H3-4: variants seen among roughly 807,000 people sequenced by gnomAD.
H3-4 encodes histone H3.1t.
H3-4 carries 6 observed loss-of-function variants against 3.8 expected under a neutral mutation model. The observed-to-expected ratio is 1.59, with a 90% confidence interval of 0.87 to 3.13. The LOEUF is 3.13. Ranked by LOEUF, H3-4 falls within the 30% of genes most tolerant of loss-of-function variation. The pLI is 0.00. For synonymous variants in H3-4, 138 were observed against 86.5 expected (o/e 1.60, Z -3.30); for missense variants, 298 against 202.4 (o/e 1.47, Z -2.87).
rs773567566 is a variant in H3-4 at position 228,425,318 on chromosome 1, C to T, written c.8G>A (p.Arg3Gln). Residue 3 changes from arginine to glutamine, a missense_variant, in exon 1 of 1, where the codon CGA (arginine) becomes CAA (glutamine). By Grantham distance (43) the Arg-to-Gln change is conservative (BLOSUM62 1). Transcript: ENST00000366696. ...TGACTTGCGCGCAGTCTGCTTGGTT[C>T]GGGCCATGAATCCGAAACTGTTGGC... MA[R>Q]TKQTARKSTG... 1 of 1,613,856 alleles carries T rather than the reference C, an allele frequency of 6.2e-7. No homozygotes were observed. The highest frequency in any genetic ancestry group is 8.5e-7 in the Non-Finnish European group (1 of 1,179,810).
In H3-4 at chr1:228,424,860, A is replaced by C; in HGVS notation, c.*55T>G. ...CTCTTCGACCAGGTGGGTGGCTCTT[A>C]AAAGAGCCTTTGGGGTGAACGTTGC... is the stretch of plus-strand genomic sequence containing the variant. On this transcript the variant is annotated 3_prime_UTR_variant, in exon 1 of 1. Coordinates refer to ENST00000366696, the MANE Select transcript of H3-4 (RefSeq NM_003493.3). The C allele has an allele frequency of 5.6e-6, 9 of 1,606,696 alleles. No individual in the cohort carries two copies. The highest frequency in any genetic ancestry group is 7.7e-6 in the Non-Finnish European group (9 of 1,173,340).
chr1:228,425,010 CAA>C lies in H3-4; in HGVS notation c.314_315del (p.Phe105Ter). 6.2e-7 allele frequency: 1 copy of C among 1,614,254 alleles called. No homozygotes were observed. Among genetic ancestry groups the C allele is most frequent in the East Asian group, 2.2e-5 (1 of 44,882 alleles). The part of the protein sequence containing the change: ...EACESYLVGL[F>X]EDTNLCVIHA... Reference sequence around the variant, plus strand: ...TGGATGACACACAGGTTGGTGTCCTCAAACAGCCCCACCAGGTAAGACTCGCA... The same window carrying C: ...TGGATGACACACAGGTTGGTGTCCTCACAGCCCCACCAGGTAAGACTCGCA... On this transcript the variant is annotated frameshift_variant, in exon 1 of 1. Coordinates refer to ENST00000366696, the MANE Select transcript of H3-4 (RefSeq NM_003493.3). LOFTEE classifies it high-confidence loss of function.
Position 228,425,277 on chromosome 1 carries a change from G to A in H3-4, c.49C>T (p.Pro17Ser). 1 of 1,613,852 alleles carries A rather than the reference G, an allele frequency of 6.2e-7. No individual in the cohort carries two copies. ...TARKSTGGKA[P>S]RKQLATKVAR... ...ACCTTGGTGGCCAGCTGCTTGCGCGGCGCCTTGCCACCCGTTGACTTGCGC... is the reference window on the plus strand; with the variant it reads ...ACCTTGGTGGCCAGCTGCTTGCGCGACGCCTTGCCACCCGTTGACTTGCGC... The change falls in exon 1 of 1, where the codon CCG becomes TCG. Residue 17 changes from proline to serine, a missense_variant. Coordinates refer to ENST00000366696, the MANE Select transcript of H3-4 (RefSeq NM_003493.3).
Position 228,425,291 on chromosome 1 carries a change from G to A in H3-4, c.35C>T (p.Thr12Met), listed in dbSNP as rs1410959088. 9 of 1,613,852 alleles carry A rather than the reference G, an allele frequency of 5.6e-6. No individual in the cohort carries two copies. Among genetic ancestry groups the A allele is most frequent in the Non-Finnish European group, 7.6e-6 (9 of 1,179,816 alleles). ...ARTKQTARKS[T>M]GGKAPRKQLA... ...CTGCTTGCGCGGCGCCTTGCCACCC[G>A]TTGACTTGCGCGCAGTCTGCTTGGT... is the stretch of plus-strand genomic sequence containing the variant. Residue 12 changes from threonine to methionine, a missense_variant, in exon 1 of 1, where the codon ACG (threonine) becomes ATG (methionine). By Grantham distance (81) the Thr-to-Met change is moderately conservative (BLOSUM62 -1). Coordinates refer to ENST00000366696, the MANE Select transcript of H3-4 (RefSeq NM_003493.3).
At position 228,425,098 on chromosome 1, in the gene H3-4, A is replaced by G. The variant is rs1160158040; in HGVS notation, c.228T>C (p.Ala76=). 6.2e-7 allele frequency: 1 copy of G among 1,614,272 alleles called. No individual in the cohort carries two copies. The change falls in exon 1 of 1, where the codon GCT becomes GCC. Residue 76 remains alanine (A), a synonymous_variant. Coordinates refer to ENST00000366696, the MANE Select transcript of H3-4 (RefSeq NM_003493.3). ...LPFQRLMREI[A]QDFKTDLRFQ... is the part of the protein sequence containing the mutation. Reference sequence around the variant, plus strand: ...AGCGCAGGTCGGTCTTAAAGTCCTGAGCGATCTCGCGCATCAGCCGCTGGA... The same window carrying G: ...AGCGCAGGTCGGTCTTAAAGTCCTGGGCGATCTCGCGCATCAGCCGCTGGA...
Position 228,424,885 on chromosome 1 carries a change from C to A in H3-4, c.*30G>T. On this transcript the variant is annotated 3_prime_UTR_variant, in exon 1 of 1. Transcript: ENST00000366696. ...AAAAGAGCCTTTGGGGTGAACGTTG[C>A]GCAACCTCTCAGGTGGCGAGATAGC... is the stretch of plus-strand genomic sequence containing the variant. 1 of 1,614,010 alleles carries A rather than the reference C, an allele frequency of 6.2e-7. No individual in the cohort carries two copies. Among genetic ancestry groups the A allele is most frequent in the Non-Finnish European group, 8.5e-7 (1 of 1,179,872 alleles).
Position 228,425,300 on chromosome 1 carries a change from C to T in H3-4, c.26G>A (p.Arg9His), listed in dbSNP as rs373549345. 1.3e-5 allele frequency: 21 copies of T among 1,613,802 alleles called. No individual in the cohort carries two copies. Among genetic ancestry groups the T allele is most frequent in the African/African-American group, 2.7e-5 (2 of 74,918 alleles). Reference sequence around the variant, plus strand: ...CGGCGCCTTGCCACCCGTTGACTTGCGCGCAGTCTGCTTGGTTCGGGCCAT... The same window carrying T: ...CGGCGCCTTGCCACCCGTTGACTTGTGCGCAGTCTGCTTGGTTCGGGCCAT... MARTKQTARKSTGGKAPRK... is the reference protein window; with the variant it reads MARTKQTAHKSTGGKAPRK... Residue 9 changes from arginine (R) to histidine (H), a missense_variant, in exon 1 of 1, where the codon CGC (arginine) becomes CAC (histidine). By Grantham distance (29) the Arg-to-His change is conservative. Coordinates refer to ENST00000366696, the MANE Select transcript of H3-4 (RefSeq NM_003493.3).
chr1:228,425,334 A>G lies in H3-4; in HGVS notation c.-9T>C. 2 of 1,613,806 alleles carry G rather than the reference A, an allele frequency of 1.2e-6. No homozygotes were observed. Among genetic ancestry groups the G allele is most frequent in the Non-Finnish European group, 8.5e-7 (1 of 1,179,784 alleles). On this transcript the variant is annotated 5_prime_UTR_variant, in exon 1 of 1. Transcript: ENST00000366696. Reference sequence around the variant, plus strand: ...TGCTTGGTTCGGGCCATGAATCCGAAACTGTTGGCCCCGCGGTGTCCTCTG... The same window carrying G: ...TGCTTGGTTCGGGCCATGAATCCGAGACTGTTGGCCCCGCGGTGTCCTCTG...
In H3-4 at chr1:228,425,295, A is replaced by ACTTGCG. The variant is rs759649926; in HGVS notation, c.25_30dup (p.Arg9_Lys10dup). The ACTTGCG allele has an allele frequency of 3.1e-6, 5 of 1,613,766 alleles. No individual in the cohort carries two copies. The highest frequency in any genetic ancestry group is 3.3e-4 in the Middle Eastern group (2 of 6,062). On this transcript the variant is annotated inframe_insertion, in exon 1 of 1. Transcript: ENST00000366696. ...TTGCGCGGCGCCTTGCCACCCGTTG[A>ACTTGCG]CTTGCGCGCAGTCTGCTTGGTTCGG...
chr1:228,425,360 C>T lies in H3-4; in HGVS notation c.-35G>A. The T allele has an allele frequency of 6.2e-7, 1 of 1,612,410 alleles. No homozygotes were observed. ...ACTGTTGGCCCCGCGGTGTCCTCTG[C>T]CCAGACCTCAGCGGATTGCTCGCTT... On this transcript the variant is annotated 5_prime_UTR_variant, in exon 1 of 1. Coordinates refer to ENST00000366696, the MANE Select transcript of H3-4 (RefSeq NM_003493.3).
rs781330802 is a variant in H3-4 at position 228,425,130 on chromosome 1, A to G, written c.196T>C (p.Leu66=). The G allele has an allele frequency of 1.9e-6, 3 of 1,613,912 alleles. No homozygotes were observed. The highest frequency in any genetic ancestry group is 2.7e-5 in the African/African-American group (2 of 74,958). Residue 66 remains leucine, a synonymous_variant, in exon 1 of 1, where the codon TTG becomes CTG. Transcript: ENST00000366696. ...TCGCGCATCAGCCGCTGGAAGGGCAACTTGCGGATTAGCAGCTCAGTGGAC... is the reference window on the plus strand; with the variant it reads ...TCGCGCATCAGCCGCTGGAAGGGCAGCTTGCGGATTAGCAGCTCAGTGGAC... The part of the protein sequence containing the change: ...QKSTELLIRK[L]PFQRLMREIA...
rs776386373 is a variant in H3-4, at chr1:228,425,026, G to GT, written c.299dup (p.Tyr100Ter). 2 of 1,614,138 alleles carry GT rather than the reference G, an allele frequency of 1.2e-6. No individual in the cohort carries two copies. The highest frequency in any genetic ancestry group is 2.2e-5 in the East Asian group (1 of 44,898). The change falls in exon 1 of 1, where the codon TAC becomes TAAC. Residue 100 changes from tyrosine to a stop codon, truncating the protein, a stop_gained and frameshift_variant. Coordinates refer to ENST00000366696, the MANE Select transcript of H3-4 (RefSeq NM_003493.3). LOFTEE classifies it high-confidence loss of function. ...TGGTGTCCTCAAACAGCCCCACCAGGTAAGACTCGCACGCCTCCTGCAGCG... is the reference window on the plus strand; with the variant it reads ...TGGTGTCCTCAAACAGCCCCACCAGGTTAAGACTCGCACGCCTCCTGCAGCG... ...VMALQEACES[Y>*]LVGLFEDTNL...
chr1:228,425,196 G>A lies in H3-4; in HGVS notation c.130C>T (p.Pro44Ser), dbSNP rs1435843313. The stretch of plus-strand genomic sequence containing the variant: ...ATCTCGCGAAGCGCCACCGTGCCGG[G>A]CCGGTAGCGGTGCGGCTTCTTCACG... ...GGVKKPHRYR[P>S]GTVALREIRR... Residue 44 changes from proline (P) to serine (S), a missense_variant, in exon 1 of 1, where the codon CCC becomes TCC. By Grantham distance (74) the Pro-to-Ser change is moderately conservative. Transcript: ENST00000366696. 2 of 1,613,912 alleles carry A rather than the reference G, an allele frequency of 1.2e-6. No homozygotes were observed. Among genetic ancestry groups the A allele is most frequent in the Admixed American group, 1.7e-5 (1 of 60,008 alleles).
rs769534943 is a variant in H3-4 at position 228,425,205 on chromosome 1, G to T, written c.121C>A (p.Arg41Ser). 1 of 1,613,906 alleles carries T rather than the reference G, an allele frequency of 6.2e-7. No individual in the cohort carries two copies. Among genetic ancestry groups the T allele is most frequent in the South Asian group, 1.1e-5 (1 of 91,068 alleles). The change falls in exon 1 of 1, where the codon CGC becomes AGC. Residue 41 changes from arginine (R) to serine (S), a missense_variant. Coordinates refer to ENST00000366696, the MANE Select transcript of H3-4 (RefSeq NM_003493.3). ...AGCGCCACCGTGCCGGGCCGGTAGC[G>T]GTGCGGCTTCTTCACGCCGCCAGTG... Reference protein sequence around the residue: ...PATGGVKKPHRYRPGTVALRE... With the variant: ...PATGGVKKPHSYRPGTVALRE...
At position 228,425,330 on chromosome 1, in the gene H3-4, C is replaced by T. The variant is rs778045287; in HGVS notation, c.-5G>A. The T allele has an allele frequency of 2.9e-5, 46 of 1,613,740 alleles. No individual in the cohort carries two copies. Among genetic ancestry groups the T allele is most frequent in the Non-Finnish European group, 3.6e-5 (42 of 1,179,810 alleles). Reference sequence around the variant, plus strand: ...AGTCTGCTTGGTTCGGGCCATGAATCCGAAACTGTTGGCCCCGCGGTGTCC... The same window carrying T: ...AGTCTGCTTGGTTCGGGCCATGAATTCGAAACTGTTGGCCCCGCGGTGTCC... On this transcript the variant is annotated 5_prime_UTR_variant, in exon 1 of 1. Coordinates refer to ENST00000366696, the MANE Select transcript of H3-4 (RefSeq NM_003493.3).
chr1:228,425,284 G>A lies in H3-4; in HGVS notation c.42C>T (p.Gly14=). 1.9e-6 allele frequency: 3 copies of A among 1,613,872 alleles called. No homozygotes were observed. Among genetic ancestry groups the A allele is most frequent in the South Asian group, 2.2e-5 (2 of 91,072 alleles). Residue 14 remains glycine, a synonymous_variant, in exon 1 of 1, where the codon GGC becomes GGT. Coordinates refer to ENST00000366696, the MANE Select transcript of H3-4 (RefSeq NM_003493.3). ...TGGCCAGCTGCTTGCGCGGCGCCTT[G>A]CCACCCGTTGACTTGCGCGCAGTCT... The part of the protein sequence containing the change: ...TKQTARKSTG[G]KAPRKQLATK...
Position 228,425,088 on chromosome 1 carries a change from T to TA in H3-4, c.237dup (p.Lys80Ter), listed in dbSNP as rs769999979. 3.7e-6 allele frequency: 6 copies of TA among 1,614,264 alleles called. No individual in the cohort carries two copies. Among genetic ancestry groups the TA allele is most frequent in the East Asian group, 2.2e-5 (1 of 44,888 alleles). On this transcript the variant is annotated frameshift_variant, in exon 1 of 1. Transcript: ENST00000366696. LOFTEE classifies it high-confidence loss of function. ...GAGCTCTGGAAGCGCAGGTCGGTCT[T>TA]AAAGTCCTGAGCGATCTCGCGCATC...
In H3-4 at chr1:228,424,932, G is replaced by A. The variant is rs775764888; in HGVS notation, c.394C>T (p.Arg132Cys). 4 of 1,614,162 alleles carry A rather than the reference G, an allele frequency of 2.5e-6. No individual in the cohort carries two copies. The South Asian group carries it at 4.4e-5, about 18-fold the overall frequency. Residue 132 changes from arginine (R) to cysteine (C), a missense_variant, in exon 1 of 1, where the codon CGC becomes TGC. Coordinates refer to ENST00000366696, the MANE Select transcript of H3-4 (RefSeq NM_003493.3). ...TAGCCCTCCTAGGCCCGCTCCCCGC[G>A]GATACGGCGTGCCAGCTGGATGTCC... The part of the protein sequence containing the change: ...PKDIQLARRI[R>C]GERA
In H3-4 at chr1:228,425,319, G is replaced by T. The variant is rs150247684; in HGVS notation, c.7C>A (p.Arg3=). 1.9e-5 allele frequency: 30 copies of T among 1,613,748 alleles called. No individual in the cohort carries two copies. The highest frequency in any genetic ancestry group is 2.5e-5 in the Non-Finnish European group (29 of 1,179,812). Residue 3 remains arginine, a synonymous_variant, in exon 1 of 1, where the codon CGA becomes AGA. Transcript: ENST00000366696. The part of the protein sequence containing the change: MA[R]TKQTARKSTG... ...GACTTGCGCGCAGTCTGCTTGGTTC[G>T]GGCCATGAATCCGAAACTGTTGGCC...
Sources: allele counts gnomAD v4.1 joint callset, GRCh38; gene constraint gnomAD v4.1.1; transcripts MANE v1.5; gene names NCBI Gene and HGNC (gene_info 2026-07-23, HGNC 2026-07-21).